The following TCF20 variants were observed in gnomAD, a reference collection of about 807,000 sequenced individuals.
TCF20 encodes SPRE-binding protein.
In TCF20, 3 loss-of-function variants were observed where a neutral mutation model predicts 148.6. That is an observed-to-expected ratio of 0.02 (90% confidence interval 0.01 to 0.05). The LOEUF (loss-of-function observed/expected upper bound fraction) is 0.05. Among genes scored for constraint, TCF20 ranks in the 10% least tolerant of loss-of-function variants. TCF20 has a pLI of 1.00. For synonymous variants in TCF20, 1,049 were observed against 909.5 expected (o/e 1.15, Z -2.76); for missense variants, 2,350 against 2,429.3 (o/e 0.97, Z 0.69).
chr22:42,233,885 C>T, intron 1 of TCF20, among the ~76,000 whole-genome samples: 1 of 152,166 alleles, frequency 6.6e-6, no homozygotes, highest in Non-Finnish European at 1.5e-5. Flanking sequence ...CATAATAAAT[C>T]CCACTTCTGA....
At chr22:42,259,050 C>T in intron 1 of TCF20, among the ~76,000 whole-genome samples, 1 of 152,216 alleles carries the variant, frequency 6.6e-6, no homozygotes, top group Non-Finnish European at 1.5e-5. Flanking sequence ...CCTCCCTCTC[C>T]ACCCAACTGA....
upstream of TCF20, among the ~76,000 whole-genome samples, chr22:42,272,371 G>C (rs943593394): frequency 1.3e-5 from 2 of 152,188 alleles, no homozygotes; most frequent in Non-Finnish European, 2.9e-5. Flanking sequence ...GGTGTTGGGG[G>C]CACCCTTAAT....
chr22:42,186,652 A>G (rs1011098721), intron 2 of TCF20, among the ~76,000 whole-genome samples: 12 of 152,134 alleles, frequency 7.9e-5, no homozygotes, highest in African/African-American at 2.9e-4. Context: ...ATGTTTCAGT[A>G]ATGTTTCATC....
At chr22:42,269,548 C>T (rs1926477727) in intron 1 of TCF20, among the ~76,000 whole-genome samples, 1 of 152,202 alleles carries the variant, frequency 6.6e-6, no homozygotes, top group African/African-American at 2.4e-5. Flanking sequence ...GGGATCGGCC[C>T]GATTGGCCAC....
At chr22:42,266,406 T>C (rs1344485142) in intron 1 of TCF20, among the ~76,000 whole-genome samples, 3 of 152,230 alleles carry the variant, frequency 2.0e-5, no homozygotes, top group Non-Finnish European at 4.4e-5. Context: ...GTTGGACTCA[T>C]GAGAAAAAGT....
intron 1 of TCF20, among the ~76,000 whole-genome samples, chr22:42,223,652 T>G (rs1431159408): frequency 6.6e-6 from 1 of 152,152 alleles, no homozygotes; most frequent in East Asian, 1.9e-4. Context: ...CAAAACCCAG[T>G]CTGTATTTCC....
intron 1 of TCF20, among the ~76,000 whole-genome samples, chr22:42,320,514 G>A (rs1011502429): frequency 3.3e-5 from 5 of 152,126 alleles, no homozygotes; most frequent in Non-Finnish European, 5.9e-5. Context: ...AGCCGTCCCA[G>A]CCCCCGGCCT....
chr22:42,282,818 G>A (rs1002699660), intron 1 of TCF20, among the ~76,000 whole-genome samples: 13 of 152,068 alleles, frequency 8.5e-5, no homozygotes, highest in Non-Finnish European at 1.9e-4. Flanking sequence ...CTGCCTCGCC[G>A]GCCTGTCTGT....
intron 1 of TCF20, among the ~76,000 whole-genome samples, chr22:42,239,857 C>T (rs1390687439): frequency 2.6e-5 from 4 of 152,118 alleles, no homozygotes; most frequent in Middle Eastern, 3.2e-3. Context: ...AAATGTGGCA[C>T]AAAGACACAA....
chr22:42,236,936 C>A (rs1401002577), intron 1 of TCF20, among the ~76,000 whole-genome samples: 1 of 152,120 alleles, frequency 6.6e-6, no homozygotes, highest in Non-Finnish European at 1.5e-5. Context: ...ATCATCTGAG[C>A]CTTCAGGGAG....
intron 1 of TCF20, among the ~76,000 whole-genome samples, chr22:42,251,930 G>A (rs571430395): frequency 7.2e-4 from 110 of 151,992 alleles, no homozygotes; most frequent in African/African-American, 2.6e-3. Context: ...TAGGCCAGGC[G>A]CAGTGGCTCA....
At chr22:42,181,141 G>C (rs1936753037) in intron 2 of TCF20, among the ~76,000 whole-genome samples, 1 of 152,172 alleles carries the variant, frequency 6.6e-6, no homozygotes, top group Non-Finnish European at 1.5e-5. Context: ...TCAGAGAAGG[G>C]AGTGTGGGTA....
In TCF20 at chr22:42,230,557, AT is replaced by A. The variant is rs1213267317; in HGVS notation, c.-36-15217del. Among the ~76,000 whole-genome samples the A allele has an allele frequency of 2.6e-5, 4 of 152,188 alleles. No individual in the cohort carries two copies. The East Asian group carries it at 7.7e-4, about 29-fold the overall frequency. On this transcript the variant is annotated intron_variant, in intron 1 of 5. Transcript: ENST00000677622. ...GCTACTCAGGAGGCTGAGGCAGAGA[AT>A]CGCTTGAACCTGGGAGGTGGAGGTT...
At position 42,317,878 on chromosome 22, in the gene TCF20, G is replaced by C. The variant is rs927374075; in HGVS notation, c.-37+25601C>G. On this transcript the variant is annotated intron_variant, in intron 1 of 1. Coordinates refer to the TCF20 transcript ENST00000515426. The surrounding 1 kb of genome is among the most constrained non-coding windows in gnomAD (Gnocchi z 4.2). The stretch of plus-strand genomic sequence containing the variant: ...AGCCAGTAAGAGCCAGATCCCACTC[G>C]AGCCCAGGCGGGGCACCCTCCTGGC... Among the ~76,000 whole-genome samples the C allele has an allele frequency of 6.6e-6, 1 of 152,174 alleles. No homozygotes were observed. The highest frequency in any genetic ancestry group is 1.5e-5 in the Non-Finnish European group (1 of 68,018).
chr22:42,209,587 C>A, intron 2 of TCF20, 64 bp downstream of exon 2: 1 of 1,514,086 alleles, frequency 6.6e-7, no homozygotes, highest in Non-Finnish European at 8.9e-7. Context: ...AGAACAAAAA[C>A]ATGCAAGAAA....
At chr22:42,242,229 A>AAAAAAAAAAG (rs1924502067) in intron 1 of TCF20, among the ~76,000 whole-genome samples, 1 of 136,780 alleles carries the variant, frequency 7.3e-6, no homozygotes, top group African/African-American at 2.8e-5. Flanking sequence ...AAAAAAAAAC[A>AAAAAAAAAAG]GAAAAGAAAG....
At chr22:42,311,686 A>G (rs994535941) in intron 1 of TCF20, among the ~76,000 whole-genome samples, 2 of 152,174 alleles carry the variant, frequency 1.3e-5, no homozygotes, top group African/African-American at 4.8e-5. Flanking sequence ...CTCCCCTGCA[A>G]AACGGGGATG....
intron 1 of TCF20, among the ~76,000 whole-genome samples, chr22:42,322,374 C>T (rs977180576): frequency 3.3e-5 from 5 of 151,858 alleles, no homozygotes; most frequent in African/African-American, 9.6e-5. Flanking sequence ...TCAGGCTTCC[C>T]GGCAGCCGTC....
rs551002320 is a variant in TCF20, at chr22:42,214,571, G to A, written c.735C>T (p.Ser245=). 2 of 1,613,600 alleles carry A rather than the reference G, an allele frequency of 1.2e-6. No individual in the cohort carries two copies. The highest frequency in any genetic ancestry group is 2.2e-5 in the East Asian group (1 of 44,892). ...TAAAACGCTGTGGTGAAGGGAAGGAGGAGGAGGAGGAGGAGGAAGCAGAAG... is the reference window on the plus strand; with the variant it reads ...TAAAACGCTGTGGTGAAGGGAAGGAAGAGGAGGAGGAGGAGGAAGCAGAAG... ...YQSSASSSSS[S]SFPSPQRFSQ... is the part of the protein sequence containing the mutation. Residue 245 remains serine (S), a synonymous_variant, in exon 2 of 6, where the codon TCC becomes TCT. Transcript: ENST00000677622.
Sources: gnomAD v4.1 joint callset for allele counts (sites outside exome capture counted in the v4.1 genomes callset) on GRCh38, gnomAD v4.1.1 for gene constraint, Gnocchi (gnomAD v3.1) non-coding constraint, MANE v1.5 for transcripts, NCBI Gene and HGNC (gene_info 2026-07-23, HGNC 2026-07-21) for gene names.